The following TSC1 variants were observed in gnomAD, a reference collection of about 807,000 sequenced individuals.
TSC1 encodes the protein TSC complex subunit 1.
TSC1 carries 20 observed loss-of-function variants against 124.3 expected under a neutral mutation model. That is an observed-to-expected ratio of 0.16 (90% CI 0.11 to 0.23). TSC1 has a LOEUF of 0.23. TSC1 is among the 10% of genes least tolerant of loss of function. The pLI is 1.00. For missense variants in TSC1, 1,124 were observed against 1,448.5 expected (o/e 0.78, Z 3.64); for synonymous variants, 493 against 539.1 (o/e 0.91, Z 1.19).
At chr9:132,920,379 G>A (rs1588343717) in intron 8 of TSC1, among the ~76,000 whole-genome samples, 2 of 152,294 alleles carry the variant, frequency 1.3e-5, no homozygotes, top group East Asian at 3.9e-4. Context: ...TTGTCTCTGA[G>A]GTAGTAGGGA....
At position 132,893,392 on chromosome 9, in the gene TSC1, T is replaced by C. The variant is rs1844868990; in HGVS notation, c.*2843A>G. 1 of 233,186 alleles carries C rather than the reference T, an allele frequency of 4.3e-6. No homozygotes were observed. Among genetic ancestry groups the C allele is most frequent in the African/African-American group, 2.2e-5 (1 of 45,338 alleles). 14.4% of individuals were successfully genotyped at this position (233,186 alleles called of 1,614,324 possible). ...TTTCTTCCAATCCCATAATAACAAT[T>C]TTTATAGACTGTATAGCAGAGCCTT... On this transcript the variant is annotated 3_prime_UTR_variant, in exon 23 of 23. Coordinates refer to ENST00000298552, the MANE Select transcript of TSC1 (RefSeq NM_000368.5).
In TSC1 at chr9:132,921,734, T is replaced by A; in HGVS notation, c.663+85A>T. On this transcript the variant is annotated intron_variant, in intron 7 of 22. Transcript: ENST00000298552. This position sits in a 1 kb window ranked among gnomAD's most constrained non-coding sequence, Gnocchi z 4.3. ...ACTGAATTTCTTTTCAAAATTTCCC[T>A]GTCTGCCGTTAAATACAAAAGGTAT... 6.4e-7 allele frequency: 1 copy of A among 1,554,274 alleles called. No individual in the cohort carries two copies. The highest frequency in any genetic ancestry group is 8.9e-7 in the Non-Finnish European group (1 of 1,128,874).
At chr9:132,900,895 C>A in intron 19 of TSC1, 58 bp from the exon 20 acceptor site, 1 of 1,611,216 alleles carries the variant, frequency 6.2e-7, no homozygotes, top group Non-Finnish European at 8.5e-7. Flanking sequence ...AGCACATAGA[C>A]GTCATTAAAC....
At chr9:132,910,323 ATC>A in intron 12 of TSC1, 3 of 618,432 alleles carry the variant, frequency 4.9e-6, no homozygotes, top group Non-Finnish European at 8.3e-6. Context: ...AAAAAAAAAA[ATC>A]AAGAGAGTAG....
rs1416032568 is a variant in TSC1 at position 132,894,014 on chromosome 9, C to T, written c.*2221G>A. 8.6e-6 allele frequency: 2 copies of T among 233,354 alleles called. No individual in the cohort carries two copies. Among genetic ancestry groups the T allele is most frequent in the Non-Finnish European group, 1.7e-5 (2 of 118,012 alleles). 14.5% of individuals were successfully genotyped at this position (233,354 alleles called of 1,614,324 possible). A position where few individuals can be genotyped will look rare whatever the true frequency, so the allele number is the denominator to read the frequency against. ...ATGACTCCAGGTCTCATTCTCCCAACCGTAGTTGAATAAAACCCACAGCCT... is the reference window on the plus strand; with the variant it reads ...ATGACTCCAGGTCTCATTCTCCCAATCGTAGTTGAATAAAACCCACAGCCT... On this transcript the variant is annotated 3_prime_UTR_variant, in exon 23 of 23. Transcript: ENST00000298552.
At chr9:132,908,405 G>T (rs925914206) in intron 12 of TSC1, among the ~76,000 whole-genome samples, 5 of 152,140 alleles carry the variant, frequency 3.3e-5, no homozygotes, top group Admixed American at 3.3e-4. Flanking sequence ...AGTGTATAAA[G>T]AAAATCTGGG....
chr9:132,904,254 G>C, intron 16 of TSC1, among the ~76,000 whole-genome samples, 157 bp downstream of exon 16: 1 of 152,142 alleles, frequency 6.6e-6, no homozygotes, highest in South Asian at 2.1e-4. Context: ...TGCTGACTTG[G>C]CAACACTTGA....
At chr9:132,899,600 C>A (rs1261099744) in intron 20 of TSC1, 1 of 152,238 alleles carries the variant, frequency 6.6e-6, no homozygotes, top group Non-Finnish European at 1.5e-5. Flanking sequence ...TTTCAGCCTT[C>A]CAAATAGTTG....
chr9:132,928,907 C>T lies in TSC1; in HGVS notation c.-35G>A, dbSNP rs370122384. On this transcript the variant is annotated 5_prime_UTR_variant, in exon 3 of 23. Coordinates refer to ENST00000298552, the MANE Select transcript of TSC1 (RefSeq NM_000368.5). ...CGAAGGCGCTGTGCTGGCTCCAGGACGTGTGCTACAGGTTCTGAAGGTTCT... is the reference window on the plus strand; with the variant it reads ...CGAAGGCGCTGTGCTGGCTCCAGGATGTGTGCTACAGGTTCTGAAGGTTCT... 76 of 1,613,018 alleles carry T rather than the reference C, an allele frequency of 4.7e-5. No individual in the cohort carries two copies. In the Middle Eastern group the frequency reaches 5.3e-4, roughly 11 times the overall value.
chr9:132,923,244 G>C lies in TSC1; in HGVS notation c.508+104C>G. 1 of 1,486,270 alleles carries C rather than the reference G, an allele frequency of 6.7e-7. No individual in the cohort carries two copies. The highest frequency in any genetic ancestry group is 1.4e-5 in the South Asian group (1 of 73,686). 92.1% of individuals were successfully genotyped at this position (1,486,270 alleles called of 1,614,324 possible). The stretch of plus-strand genomic sequence containing the variant: ...TGTCTGGTGAAAACCACTCATTTCA[G>C]CTATAAAAGTCTACATGTCCATTCC... On this transcript the variant is annotated intron_variant, in intron 6 of 22. Transcript: ENST00000298552. The surrounding 1 kb of genome is among the most constrained non-coding windows in gnomAD (Gnocchi z 4.2).
At chr9:132,922,793 G>A (rs915389902) in intron 6 of TSC1, among the ~76,000 whole-genome samples, 1 of 151,996 alleles carries the variant, frequency 6.6e-6, no homozygotes, top group African/African-American at 2.4e-5. Context: ...CCTCACACTG[G>A]GATAACCCAA....
chr9:132,918,793 CAA>C (rs1846393786), intron 8 of TSC1, among the ~76,000 whole-genome samples: 2 of 152,282 alleles, frequency 1.3e-5, no homozygotes, highest in African/African-American at 4.8e-5. Flanking sequence ...CAACAAAGCT[CAA>C]AGTCAACAAG....
chr9:132,903,716 G>C lies in TSC1; in HGVS notation c.2143C>G (p.Arg715Gly), dbSNP rs1564478519. 1 of 1,613,202 alleles carries C rather than the reference G, an allele frequency of 6.2e-7. No homozygotes were observed. Among genetic ancestry groups the C allele is most frequent in the Non-Finnish European group, 8.5e-7 (1 of 1,180,024 alleles). ...ERFKRQQHAL[R>G]NRRLLRKVIK... ...ACCTTGCGGAGGAGCCGCCTGTTCC[G>C]GAGGGCATGCTGCTGCCTCTTAAAA... The change falls in exon 17 of 23, where the codon CGG becomes GGG. Residue 715 changes from arginine to glycine, a missense_variant. This residue lies in a region of TSC1 where 321 missense variants were observed against 397.4 expected (regional missense o/e 0.81). Transcript: ENST00000298552. This position sits in a 1 kb window ranked among gnomAD's most constrained non-coding sequence, Gnocchi z 5.9.
At chr9:132,916,464 C>G (rs915210687) in intron 8 of TSC1, among the ~76,000 whole-genome samples, 1 of 152,162 alleles carries the variant, frequency 6.6e-6, no homozygotes, top group African/African-American at 2.4e-5. Flanking sequence ...GAGGACTCTT[C>G]CATATATCCT....
intron 3 of TSC1, among the ~76,000 whole-genome samples, chr9:132,927,951 A>T (rs1846979309): frequency 6.6e-6 from 1 of 152,218 alleles, no homozygotes. Flanking sequence ...CTCTTCACAG[A>T]TAAACACCCT....
intron 2 of TSC1, chr9:132,931,142 G>A (rs1847181124): frequency 6.6e-6 from 1 of 152,136 alleles, no homozygotes; most frequent in African/African-American, 2.4e-5. Context: ...GACAAAGAAT[G>A]TTGTTCATAA....
chr9:132,908,478 G>T (rs1223829445), intron 12 of TSC1, among the ~76,000 whole-genome samples: 2 of 152,158 alleles, frequency 1.3e-5, no homozygotes, highest in Non-Finnish European at 2.9e-5. Context: ...TTTGAGACAG[G>T]GTCTGGCTCT....
intron 8 of TSC1, among the ~76,000 whole-genome samples, chr9:132,914,684 C>T (rs1466268476): frequency 1.4e-5 from 2 of 145,240 alleles, no homozygotes; most frequent in African/African-American, 5.2e-5. Flanking sequence ...TGGCAAAACC[C>T]CATCTTAAAA....
At position 132,895,573 on chromosome 9, in the gene TSC1, T is replaced by C. The variant is rs1258640288; in HGVS notation, c.*662A>G. On this transcript the variant is annotated 3_prime_UTR_variant, in exon 23 of 23. Transcript: ENST00000298552. ...GGTGTGTGGTCTCCACAGTGCCAGC[T>C]CCAGATTTCTGAAACAGGCTTCTGT... is the stretch of plus-strand genomic sequence containing the variant. 8.5e-6 allele frequency: 2 copies of C among 234,660 alleles called. No homozygotes were observed. Among genetic ancestry groups the C allele is most frequent in the Non-Finnish European group, 1.7e-5 (2 of 119,022 alleles). The allele number at this position is 234,660 out of a possible 1,614,324, so 14.5% of individuals were successfully genotyped here. A position where few individuals can be genotyped will look rare whatever the true frequency, so the allele number is the denominator to read the frequency against.
Sources: allele counts gnomAD v4.1 joint callset (sites outside exome capture counted in the v4.1 genomes callset), GRCh38; gene constraint gnomAD v4.1.1; regional missense constraint gnomAD v4.1.1; non-coding constraint Gnocchi (gnomAD v3.1); transcripts MANE v1.5; gene names NCBI Gene and HGNC (gene_info 2026-07-23, HGNC 2026-07-21).